The following MAST2 variants were observed in gnomAD, a reference collection of about 807,000 sequenced individuals.
The protein encoded by MAST2 is microtubule-associated serine/threonine-protein kinase 2.
In MAST2, 70 loss-of-function variants were observed where a neutral mutation model predicts 147.4. The ratio of observed to expected loss-of-function variants is 0.47; its 90% CI spans 0.39 to 0.58. The LOEUF (loss-of-function observed/expected upper bound fraction) is 0.58, where lower values mean the gene tolerates loss of function less well. Among genes scored for constraint, MAST2 ranks in the 20% least tolerant of loss-of-function variants. The probability of loss-of-function intolerance (pLI) is 0.00; values close to 1 mark genes in which losing one functional copy is unlikely to be tolerated. For synonymous variants in MAST2, 869 were observed against 896.8 expected, an observed-to-expected ratio of 0.97 and a Z score of 0.55; for missense variants, 2,080 against 2,302.3, an observed-to-expected ratio of 0.90 and a Z score of 1.98.
intron 4 of MAST2, among the ~76,000 whole-genome samples, chr1:45,901,439 C>T (rs1649747643): frequency 6.6e-6 from 1 of 152,152 alleles, no homozygotes; most frequent in African/African-American, 2.4e-5. Context: ...TAGTGTGATG[C>T]TTCCAGCTTT....
At chr1:45,875,524 A>G (rs1458007850) in intron 3 of MAST2, among the ~76,000 whole-genome samples, 1 of 152,184 alleles carries the variant, frequency 6.6e-6, no homozygotes, top group African/African-American at 2.4e-5. Flanking sequence ...CAGGTACTAT[A>G]TATGATATTT....
At chr1:45,948,238 G>A (rs924923910) in intron 4 of MAST2, among the ~76,000 whole-genome samples, 1 of 152,132 alleles carries the variant, frequency 6.6e-6, no homozygotes, top group African/African-American at 2.4e-5. Context: ...GCAAAACACT[G>A]CTCAAAGAAA....
chr1:45,839,481 C>T (rs1322984992), intron 3 of MAST2, among the ~76,000 whole-genome samples: 1 of 152,092 alleles, frequency 6.6e-6, no homozygotes, highest in Non-Finnish European at 1.5e-5. Context: ...CCATGTTGCC[C>T]AGGCTGGTCT....
chr1:45,838,937 G>A (rs1390918090), intron 3 of MAST2, among the ~76,000 whole-genome samples: 3 of 151,604 alleles, frequency 2.0e-5, no homozygotes, highest in Non-Finnish European at 2.9e-5. Flanking sequence ...TGAATGGAGA[G>A]ATACAACATT....
chr1:46,034,422 G>C (rs892978661), intron 28 of MAST2, 116 bp from the exon 29 acceptor site: 8 of 1,331,748 alleles, frequency 6.0e-6, no homozygotes, highest in African/African-American at 3.0e-5. Flanking sequence ...GATGGGGAAG[G>C]GGGTAGCTTG....
At chr1:46,017,792 A>G (rs1646020123) in intron 10 of MAST2, among the ~76,000 whole-genome samples, 1 of 152,176 alleles carries the variant, frequency 6.6e-6, no homozygotes. Context: ...TAGAAATACC[A>G]TTTGACCCAG....
intron 4 of MAST2, among the ~76,000 whole-genome samples, chr1:45,900,622 C>T (rs564437929): frequency 0.032 from 1,262 of 39,516 alleles, 503 homozygotes; most frequent in Admixed American, 0.035. Context: ...CCCGCCACCG[C>T]GCCCGGCTAA....
intron 4 of MAST2, among the ~76,000 whole-genome samples, chr1:45,955,102 G>A (rs1427647708): frequency 7.1e-6 from 1 of 140,228 alleles, no homozygotes; most frequent in Non-Finnish European, 1.6e-5. Context: ...GAGTGCAGCA[G>A]TACACAAAGC....
chr1:45,862,640 T>G (rs1570421441), intron 3 of MAST2, among the ~76,000 whole-genome samples: 1 of 152,164 alleles, frequency 6.6e-6, no homozygotes, highest in East Asian at 1.9e-4. Context: ...TGGCTAATTT[T>G]TGTATTTTTA....
intron 3 of MAST2, among the ~76,000 whole-genome samples, chr1:45,855,968 T>G (rs1645775732): frequency 1.3e-5 from 2 of 152,226 alleles, no homozygotes. Context: ...TTTCAGATCT[T>G]CGGCTTCTCT....
intron 3 of MAST2, among the ~76,000 whole-genome samples, chr1:45,878,971 T>G (rs1459526645): frequency 6.6e-6 from 1 of 150,762 alleles, no homozygotes; most frequent in African/African-American, 2.4e-5. Flanking sequence ...GATTCAAAAA[T>G]TCAAATCGAA....
Position 45,805,453 on chromosome 1 carries a change from C to G in MAST2, c.177+1381C>G, listed in dbSNP as rs141374324. Among the ~76,000 whole-genome samples the G allele has an allele frequency of 2.6e-5, 4 of 152,206 alleles. No homozygotes were observed. In the East Asian group the frequency reaches 7.7e-4, roughly 29 times the overall value. ...ACCATTGACCATCTCTGCCCCGCTT[C>G]TAGCTGCTGAGCATTGTCCTCTTGC... On this transcript the variant is annotated intron_variant, in intron 1 of 28. Transcript: ENST00000361297.
chr1:45,865,021 G>C (rs1299337702), intron 3 of MAST2: 9 of 441,566 alleles, frequency 2.0e-5, no homozygotes, highest in Non-Finnish European at 3.2e-5. Flanking sequence ...TGAAAGGATT[G>C]TTTGCCTCTT....
chr1:45,954,390 A>ATAT (rs1659366965), intron 4 of MAST2, among the ~76,000 whole-genome samples: 1 of 152,170 alleles, frequency 6.6e-6, no homozygotes, highest in Non-Finnish European at 1.5e-5. Flanking sequence ...AGAATGCACG[A>ATAT]TATGCCTTAG....
At chr1:45,967,468 A>C (rs752251458) in intron 5 of MAST2, among the ~76,000 whole-genome samples, 1 of 152,194 alleles carries the variant, frequency 6.6e-6, no homozygotes, top group Non-Finnish European at 1.5e-5. Context: ...CATAATTTGT[A>C]TGTTTTATGT....
At chr1:45,937,316 A>G (rs1186399239) in intron 4 of MAST2, among the ~76,000 whole-genome samples, 1 of 150,666 alleles carries the variant, frequency 6.6e-6, no homozygotes, top group East Asian at 1.9e-4. Context: ...TTTTTTTTCT[A>G]GAAATGGGAT....
rs778765203 is a variant in MAST2 at position 45,842,098 on chromosome 1, T to C, written c.468+12517T>C. On this transcript the variant is annotated intron_variant, in intron 3 of 28. Transcript: ENST00000361297. ...TGATTGCCACTAGGTGATCGTTGTA[T>C]TCTTCTGTGTCGAACTCCCAGGCTC... 6.6e-4 allele frequency among the ~76,000 whole-genome samples: 101 copies of C among 152,292 alleles called. 1 individual carries two copies. Among genetic ancestry groups the C allele is most frequent in the Admixed American group, 2.0e-4 (3 of 15,304 alleles).
intron 3 of MAST2, among the ~76,000 whole-genome samples, chr1:45,873,939 G>T (rs1053549612): frequency 1.3e-5 from 2 of 152,126 alleles, no homozygotes; most frequent in African/African-American, 4.8e-5. Flanking sequence ...TCCCACCTCA[G>T]CCCCCTGAGT....
intron 3 of MAST2, among the ~76,000 whole-genome samples, chr1:45,859,055 C>T (rs944518621): frequency 9.2e-5 from 14 of 152,164 alleles, no homozygotes; most frequent in Non-Finnish European, 1.5e-4. Flanking sequence ...ATGCCTCCAG[C>T]TTTGTTCTTT....
Sources: allele counts gnomAD v4.1 joint callset (sites outside exome capture counted in the v4.1 genomes callset), GRCh38; gene constraint gnomAD v4.1.1; transcripts MANE v1.5; gene names NCBI Gene and HGNC (gene_info 2026-07-23, HGNC 2026-07-21).